The following SUPT3H variants were observed in gnomAD, a reference collection of about 807,000 sequenced individuals.
The protein encoded by SUPT3H is SPT3 homolog, SAGA and STAGA complex component.
SUPT3H carries 44 observed loss-of-function variants against 44.3 expected under a neutral mutation model. That is an observed-to-expected ratio of 0.99 (90% CI 0.78 to 1.28). The LOEUF (loss-of-function observed/expected upper bound fraction) is 1.28, where lower values mean the gene tolerates loss of function less well. Among genes scored for constraint, SUPT3H ranks in the 50% most tolerant of loss-of-function variants. The pLI, the probability that SUPT3H is intolerant of heterozygous loss-of-function variation, is 0.00. For synonymous variants in SUPT3H, 124 were observed against 125.6 expected (o/e 0.99, Z 0.09); for missense variants, 380 against 387.1 (o/e 0.98, Z 0.15).
At chr6:45,211,235 T>C (rs1764028491) in intron 2 of SUPT3H, among the ~76,000 whole-genome samples, 1 of 152,200 alleles carries the variant, frequency 6.6e-6, no homozygotes, top group Non-Finnish European at 1.5e-5. Flanking sequence ...AGTAAACTTT[T>C]ATTTCTTAAT....
chr6:44,839,016 C>T (rs1770448470), intron 10 of SUPT3H, among the ~76,000 whole-genome samples: 1 of 152,152 alleles, frequency 6.6e-6, no homozygotes, highest in Non-Finnish European at 1.5e-5. Flanking sequence ...AAAAGTGTCT[C>T]CTCTGATGTG....
chr6:44,823,710 C>T (rs573432673), downstream of SUPT3H, among the ~76,000 whole-genome samples: 6 of 152,266 alleles, frequency 3.9e-5, no homozygotes, highest in Admixed American at 3.9e-4. Context: ...GCCTGTAATC[C>T]CAGCACTTTG....
intron 2 of SUPT3H, among the ~76,000 whole-genome samples, chr6:45,267,360 A>G (rs1054573848): frequency 3.9e-5 from 6 of 152,236 alleles, no homozygotes; most frequent in Non-Finnish European, 7.3e-5. Context: ...AAAAAGGAAA[A>G]TATTTAATTC....
At chr6:45,303,802 G>A (rs1715005664) in intron 2 of SUPT3H, among the ~76,000 whole-genome samples, 1 of 151,908 alleles carries the variant, frequency 6.6e-6, no homozygotes. Flanking sequence ...AGACCAGCCT[G>A]GCCAATATGG....
intron 3 of SUPT3H, among the ~76,000 whole-genome samples, chr6:45,032,016 G>A (rs1480645958): frequency 2.0e-5 from 3 of 152,146 alleles, no homozygotes; most frequent in African/African-American, 4.8e-5. Flanking sequence ...TGCAAAATGG[G>A]ATTATAGCAA....
At chr6:45,292,649 A>G (rs1247962656) in intron 2 of SUPT3H, among the ~76,000 whole-genome samples, 1 of 151,378 alleles carries the variant, frequency 6.6e-6, no homozygotes, top group Non-Finnish European at 1.5e-5. Context: ...AAGACATTTT[A>G]TGCAAAAGGA....
At chr6:44,853,542 GA>G (rs750978118) in intron 10 of SUPT3H, among the ~76,000 whole-genome samples, 1 of 152,018 alleles carries the variant, frequency 6.6e-6, no homozygotes, top group Non-Finnish European at 1.5e-5. Context: ...TGTACAGGAG[GA>G]AACAATGCTT....
At chr6:45,036,971 G>A (rs998126177) in intron 3 of SUPT3H, among the ~76,000 whole-genome samples, 1 of 152,074 alleles carries the variant, frequency 6.6e-6, no homozygotes, top group African/African-American at 2.4e-5. Flanking sequence ...GAAGAATCTA[G>A]GAGAGGTATT....
intron 2 of SUPT3H, among the ~76,000 whole-genome samples, chr6:45,158,298 A>ATATATATATATATATTT: frequency 1.0e-5 from 1 of 99,694 alleles, no homozygotes; most frequent in African/African-American, 5.0e-5. Context: ...ATATATATAT[A>ATATATATATATATATTT]TTTTTTTTTT....
chr6:45,265,391 G>A (rs182573457), intron 2 of SUPT3H, among the ~76,000 whole-genome samples: 9 of 152,198 alleles, frequency 5.9e-5, no homozygotes, highest in Admixed American at 3.3e-4. Context: ...ACTTTGTCCT[G>A]TCAAACAGAA....
chr6:45,287,459 C>A (rs919234127), intron 2 of SUPT3H, among the ~76,000 whole-genome samples: 1 of 152,194 alleles, frequency 6.6e-6, no homozygotes, highest in African/African-American at 2.4e-5. Flanking sequence ...CACTACAATA[C>A]GGATGAACCA....
At chr6:45,286,427 C>T (rs545678980) in intron 2 of SUPT3H, among the ~76,000 whole-genome samples, 231 of 151,992 alleles carry the variant, frequency 1.5e-3, no homozygotes, top group Middle Eastern at 3.4e-3. Context: ...AAAAAGTGGG[C>T]AAAGGATATG....
Position 45,062,611 on chromosome 6 carries a change from G to A in SUPT3H, c.187-41979C>T, listed in dbSNP as rs558658967. Among the ~76,000 whole-genome samples, 17 of 152,294 alleles carry A rather than the reference G, an allele frequency of 1.1e-4. No individual in the cohort carries two copies. In the South Asian group the frequency reaches 3.5e-3, roughly 32 times the overall value. On this transcript the variant is annotated intron_variant, in intron 3 of 10. Transcript: ENST00000371459. Reference sequence around the variant, plus strand: ...GCAGGCCAGTGGGTGCGCGCACCATGCGCAAGCCGAAGCAGGGCGAGGCAT... The same window carrying A: ...GCAGGCCAGTGGGTGCGCGCACCATACGCAAGCCGAAGCAGGGCGAGGCAT...
At chr6:45,231,769 A>T (rs1421945218) in intron 2 of SUPT3H, among the ~76,000 whole-genome samples, 1 of 152,170 alleles carries the variant, frequency 6.6e-6, no homozygotes, top group Non-Finnish European at 1.5e-5. Flanking sequence ...TATATCATGA[A>T]CACTTTGTTC....
At chr6:45,003,534 C>G in intron 6 of SUPT3H, 119 bp downstream of exon 6, 1 of 1,213,660 alleles carries the variant, frequency 8.2e-7, no homozygotes, top group South Asian at 1.7e-5. Context: ...TGCCATCAGA[C>G]ATAAAACCAC....
chr6:44,832,210 A>G (rs1197665473), intron 10 of SUPT3H, among the ~76,000 whole-genome samples: 1 of 152,114 alleles, frequency 6.6e-6, no homozygotes, highest in Non-Finnish European at 1.5e-5. Flanking sequence ...GAAGACAACA[A>G]CTCATCTTCA....
intron 2 of SUPT3H, among the ~76,000 whole-genome samples, chr6:45,364,303 A>G (rs1794768696): frequency 6.6e-6 from 1 of 152,194 alleles, no homozygotes; most frequent in African/African-American, 2.4e-5. Context: ...CAATTATAAG[A>G]CATCTGCTCA....
chr6:45,347,478 C>A (rs1791121884), intron 2 of SUPT3H, among the ~76,000 whole-genome samples: 1 of 152,086 alleles, frequency 6.6e-6, no homozygotes, highest in Non-Finnish European at 1.5e-5. Flanking sequence ...ATCCATGTAT[C>A]ATTATAGGCA....
At chr6:44,858,928 G>C (rs1411055168) in intron 10 of SUPT3H, among the ~76,000 whole-genome samples, 1 of 152,062 alleles carries the variant, frequency 6.6e-6, no homozygotes, top group African/African-American at 2.4e-5. Flanking sequence ...AACTCATCCA[G>C]GATGACAAAA....
Sources: gnomAD v4.1 joint callset for allele counts (sites outside exome capture counted in the v4.1 genomes callset) on GRCh38, gnomAD v4.1.1 for gene constraint, MANE v1.5 for transcripts, NCBI Gene and HGNC (gene_info 2026-07-23, HGNC 2026-07-21) for gene names.